The following SNTG2 variants were observed in gnomAD, a reference collection of about 807,000 sequenced individuals.
SNTG2 encodes syntrophin gamma 2.
In SNTG2, 74 loss-of-function variants were observed where a neutral mutation model predicts 70.9. The ratio of observed to expected loss-of-function variants is 1.04; its 90% confidence interval spans 0.86 to 1.27. The LOEUF is 1.27. SNTG2 is among the 50% of genes most tolerant of loss of function. The pLI, the probability that SNTG2 is intolerant of heterozygous loss-of-function variation, is 0.00. For missense variants in SNTG2, 717 were observed against 690.7 expected (o/e 1.04, Z -0.43); for synonymous variants, 278 against 273.8 (o/e 1.02, Z -0.15).
intron 15 of SNTG2, among the ~76,000 whole-genome samples, chr2:1,312,466 G>C (rs1681048451): frequency 6.6e-6 from 1 of 152,202 alleles, no homozygotes; most frequent in African/African-American, 2.4e-5. Context: ...AGGGAGAAGG[G>C]GAGGCTGACC....
chr2:1,262,811 G>A (rs1678512750), intron 13 of SNTG2: 1 of 151,216 alleles, frequency 6.6e-6, no homozygotes. Context: ...CGGTCCAGAC[G>A]ACGAAACCCG....
intron 8 of SNTG2, among the ~76,000 whole-genome samples, chr2:1,202,643 A>T (rs1673348322): frequency 1.3e-5 from 2 of 152,192 alleles, no homozygotes; most frequent in South Asian, 2.1e-4. Context: ...CTGGATTTTT[A>T]AAAAAGCAAC....
At chr2:1,154,897 C>A (rs1480567998) in intron 6 of SNTG2, among the ~76,000 whole-genome samples, 1 of 150,186 alleles carries the variant, frequency 6.7e-6, no homozygotes, top group African/African-American at 2.5e-5. Context: ...CACACAAAGA[C>A]ACATACCACA....
intron 14 of SNTG2, among the ~76,000 whole-genome samples, chr2:1,274,935 C>T (rs1196312498): frequency 2.6e-5 from 4 of 152,204 alleles, no homozygotes; most frequent in Admixed American, 2.6e-4. Context: ...CTGGGAAGTT[C>T]AAGTGCATGG....
At chr2:995,829 T>A (rs1461110866) in intron 1 of SNTG2, among the ~76,000 whole-genome samples, 2 of 152,130 alleles carry the variant, frequency 1.3e-5, no homozygotes, top group East Asian at 1.9e-4. Flanking sequence ...TTCCTTCCTC[T>A]CTACAAAGAG....
intron 1 of SNTG2, among the ~76,000 whole-genome samples, chr2:969,240 T>C (rs968088456): frequency 6.6e-6 from 1 of 152,196 alleles, no homozygotes; most frequent in Non-Finnish European, 1.5e-5. Context: ...TTTTTGTACC[T>C]GTACCATGCT....
chr2:1,153,712 C>T (rs775823390), intron 6 of SNTG2, among the ~76,000 whole-genome samples: 10 of 152,140 alleles, frequency 6.6e-5, no homozygotes, highest in Non-Finnish European at 2.9e-5. Context: ...ACTAATTGCA[C>T]GGAGCAGTAA....
At chr2:1,287,954 C>T (rs117046403) in intron 14 of SNTG2, among the ~76,000 whole-genome samples, 2 of 42,992 alleles carry the variant, frequency 4.7e-5, no homozygotes, top group South Asian at 9.2e-4. Flanking sequence ...AGCCTGGACC[C>T]GGGGTGGAGC....
At chr2:1,132,318 G>A (rs111356105) in intron 4 of SNTG2, among the ~76,000 whole-genome samples, 105 of 151,952 alleles carry the variant, frequency 6.9e-4, no homozygotes, top group African/African-American at 2.4e-3. Flanking sequence ...CATTTAATCT[G>A]CAACACCCAA....
In SNTG2 at chr2:1,225,274, G is replaced by A. The variant is rs28680584; in HGVS notation, c.720-12614G>A. ...TAATTTACACGGTGTTTATTACAAG[G>A]TGTGCAAGAATATGTGCCAGCTGGT... On this transcript the variant is annotated intron_variant, in intron 9 of 16. Coordinates refer to ENST00000308624, the MANE Select transcript of SNTG2 (RefSeq NM_018968.4). 9.3e-3 allele frequency among the ~76,000 whole-genome samples: 1,418 copies of A among 152,310 alleles called. 23 individuals are homozygous for A. Among genetic ancestry groups the A allele is most frequent in the African/African-American group, 0.031 (1,293 of 41,562 alleles).
intron 8 of SNTG2, among the ~76,000 whole-genome samples, chr2:1,197,503 G>GTATATATATA (rs1337853335): frequency 1.9e-5 from 2 of 103,810 alleles, no homozygotes; most frequent in African/African-American, 6.4e-5. Flanking sequence ...GTATATATGT[G>GTATATATATA]TATGTATATA....
intron 13 of SNTG2, among the ~76,000 whole-genome samples, chr2:1,265,829 A>G (rs1245954235): frequency 6.6e-6 from 1 of 152,190 alleles, no homozygotes; most frequent in Non-Finnish European, 1.5e-5. Flanking sequence ...TTCTGCTGCC[A>G]TATGCAGGGC....
chr2:1,310,491 C>T (rs181393838), intron 15 of SNTG2, among the ~76,000 whole-genome samples: 12 of 152,286 alleles, frequency 7.9e-5, no homozygotes, highest in African/African-American at 2.2e-4. Flanking sequence ...CCACATTCAG[C>T]CAAGCCCTGA....
At chr2:1,256,952 AC>A in intron 12 of SNTG2, among the ~76,000 whole-genome samples, 1 of 137,590 alleles carries the variant, frequency 7.3e-6, no homozygotes, top group Non-Finnish European at 1.6e-5. Flanking sequence ...GATGAGAAAG[AC>A]CCACTTCTTC....
At chr2:1,161,155 C>T (rs1670245044) in intron 6 of SNTG2, 2 of 152,470 alleles carry the variant, frequency 1.3e-5, no homozygotes, top group Non-Finnish European at 2.9e-5. Flanking sequence ...CATGGTGGCT[C>T]ACGCTTGTAA....
At chr2:984,449 G>T (rs932768324) in intron 1 of SNTG2, among the ~76,000 whole-genome samples, 2 of 152,014 alleles carry the variant, frequency 1.3e-5, no homozygotes, top group Admixed American at 6.6e-5. Flanking sequence ...GTCCAAGCAG[G>T]AGCTCTGTGC....
intron 12 of SNTG2, among the ~76,000 whole-genome samples, chr2:1,255,903 T>TATAAATATATAA (rs1678073797): frequency 1.1e-5 from 1 of 91,538 alleles, no homozygotes; most frequent in Non-Finnish European, 2.1e-5. Flanking sequence ...TAAATATATA[T>TATAAATATATAA]ATAAATATAT....
intron 1 of SNTG2, among the ~76,000 whole-genome samples, chr2:1,060,417 T>A (rs1367229652): frequency 6.6e-6 from 1 of 152,156 alleles, no homozygotes; most frequent in Non-Finnish European, 1.5e-5. Context: ...GATAGAAGTG[T>A]CCTACCGTGG....
At chr2:1,231,451 C>T (rs1477881372) in intron 9 of SNTG2, among the ~76,000 whole-genome samples, 12 of 152,216 alleles carry the variant, frequency 7.9e-5, no homozygotes, top group Non-Finnish European at 1.5e-4. Flanking sequence ...CTGCCACTAT[C>T]ATATATGACC....
Sources: allele counts gnomAD v4.1 joint callset (sites outside exome capture counted in the v4.1 genomes callset), GRCh38; gene constraint gnomAD v4.1.1; transcripts MANE v1.5; gene names NCBI Gene and HGNC (gene_info 2026-07-23, HGNC 2026-07-21).